Variants in KIF16B observed in about 807,000 individuals in gnomAD.
KIF16B encodes kinesin-like protein KIF16B.
KIF16B carries 98 observed loss-of-function variants against 156.3 expected under a neutral mutation model. That is an observed-to-expected ratio of 0.63 (90% CI 0.53 to 0.74). The LOEUF (loss-of-function observed/expected upper bound fraction) is 0.74. Among genes scored for constraint, KIF16B ranks in the 30% least tolerant of loss-of-function variants. The pLI, the probability that KIF16B is intolerant of heterozygous loss-of-function variation, is 0.00. For synonymous variants in KIF16B, 564 were observed against 583.7 expected (o/e 0.97, Z 0.49); for missense variants, 1,421 against 1,606.5 (o/e 0.88, Z 1.97).
chr20:16,354,296 C>G (rs1262631989), intron 23 of KIF16B, among the ~76,000 whole-genome samples: 2 of 151,892 alleles, frequency 1.3e-5, no homozygotes, highest in African/African-American at 2.4e-5. Flanking sequence ...ATCCGTGTAC[C>G]AACTAAAATC....
chr20:16,360,442 A>C (rs1386588012), intron 22 of KIF16B, among the ~76,000 whole-genome samples: 1 of 152,118 alleles, frequency 6.6e-6, no homozygotes, highest in African/African-American at 2.4e-5. Context: ...ATGTGGCAAA[A>C]AAGATTCTTA....
chr20:16,283,163 G>A (rs6043852), intron 25 of KIF16B, among the ~76,000 whole-genome samples: 8,059 of 152,272 alleles, frequency 0.053, 271 homozygotes, highest in African/African-American at 0.1. Flanking sequence ...TAGGCAAAGA[G>A]GCGAAATTAA....
intron 15 of KIF16B, among the ~76,000 whole-genome samples, chr20:16,419,824 A>G (rs985727511): frequency 3.3e-5 from 5 of 152,170 alleles, no homozygotes; most frequent in African/African-American, 9.6e-5. Context: ...TTCAATTACA[A>G]TGCATCTGAC....
intron 17 of KIF16B, among the ~76,000 whole-genome samples, chr20:16,384,743 T>C (rs2065187689): frequency 1.3e-5 from 2 of 152,120 alleles, no homozygotes; most frequent in East Asian, 1.9e-4. Flanking sequence ...TCCTAGGTAC[T>C]ACCAAATTCT....
intron 12 of KIF16B, among the ~76,000 whole-genome samples, chr20:16,441,279 G>A (rs960998855): frequency 8.5e-5 from 13 of 152,090 alleles, no homozygotes; most frequent in Admixed American, 3.3e-4. Context: ...TCTCACCCAC[G>A]GAAATACGTC....
intron 1 of KIF16B, among the ~76,000 whole-genome samples, chr20:16,532,023 G>A (rs1026562381): frequency 1.4e-4 from 21 of 147,372 alleles, no homozygotes; most frequent in Admixed American, 5.5e-4. Flanking sequence ...AGCCGAGATT[G>A]TGCCATTGCA....
chr20:16,512,751 C>T, intron 5 of KIF16B, 75 bp downstream of exon 5: 7 of 938,078 alleles, frequency 7.5e-6, no homozygotes, highest in Non-Finnish European at 1.2e-5. Context: ...TATCCATTTC[C>T]AGCACCTAAA....
intron 13 of KIF16B, among the ~76,000 whole-genome samples, chr20:16,429,495 G>A (rs1413410720): frequency 6.6e-6 from 1 of 152,124 alleles, no homozygotes; most frequent in Non-Finnish European, 1.5e-5. Flanking sequence ...TAATGCAGGT[G>A]AGAAGCACAA....
intron 12 of KIF16B, among the ~76,000 whole-genome samples, chr20:16,464,188 G>T (rs1292467526): frequency 6.6e-6 from 1 of 152,004 alleles, no homozygotes; most frequent in East Asian, 1.9e-4. Flanking sequence ...CACACTGGAG[G>T]CATTTTTAAA....
chr20:16,546,759 T>G (rs575042281), intron 1 of KIF16B, among the ~76,000 whole-genome samples: 1 of 152,266 alleles, frequency 6.6e-6, no homozygotes, highest in African/African-American at 2.4e-5. Context: ...ATTCTTTCAC[T>G]TATTTTTATT....
chr20:16,374,513 C>A, intron 19 of KIF16B, 104 bp from the exon 20 acceptor site: 1 of 1,096,114 alleles, frequency 9.1e-7, no homozygotes, highest in South Asian at 2.9e-5. Flanking sequence ...AAGATCTGTC[C>A]TCTGTGTGCA....
At chr20:16,329,450 T>C (rs1238786866) in intron 24 of KIF16B, among the ~76,000 whole-genome samples, 4 of 152,178 alleles carry the variant, frequency 2.6e-5, no homozygotes, top group Non-Finnish European at 4.4e-5. Context: ...CAAAAATACA[T>C]AGTTTTCATA....
chr20:16,478,626 C>T (rs1256775982), intron 12 of KIF16B, among the ~76,000 whole-genome samples: 1 of 152,152 alleles, frequency 6.6e-6, no homozygotes, highest in African/African-American at 2.4e-5. Flanking sequence ...CTGTATTTCC[C>T]CCCAGACTAT....
At chr20:16,398,187 C>T (rs1019318579) in intron 17 of KIF16B, among the ~76,000 whole-genome samples, 1 of 152,082 alleles carries the variant, frequency 6.6e-6, no homozygotes, top group African/African-American at 2.4e-5. Flanking sequence ...GAGGACTGGC[C>T]AAGGGAAGAA....
chr20:16,307,436 T>C (rs956078063), intron 25 of KIF16B, among the ~76,000 whole-genome samples: 1 of 152,168 alleles, frequency 6.6e-6, no homozygotes, highest in African/African-American at 2.4e-5. Context: ...AGATTAGGAA[T>C]TGAATTAGAC....
At chr20:16,444,743 A>G (rs1216773865) in intron 12 of KIF16B, among the ~76,000 whole-genome samples, 1 of 152,188 alleles carries the variant, frequency 6.6e-6, no homozygotes, top group African/African-American at 2.4e-5. Flanking sequence ...GGGCATTTAA[A>G]TTGCTCTCAG....
At chr20:16,485,054 T>C (rs2068079104) in intron 12 of KIF16B, among the ~76,000 whole-genome samples, 1 of 152,224 alleles carries the variant, frequency 6.6e-6, no homozygotes, top group Non-Finnish European at 1.5e-5. Flanking sequence ...GCAAATGAGA[T>C]GCAACTGAAA....
At chr20:16,402,660 G>C (rs2065684115) in intron 17 of KIF16B, among the ~76,000 whole-genome samples, 1 of 152,152 alleles carries the variant, frequency 6.6e-6, no homozygotes, top group Admixed American at 6.5e-5. Flanking sequence ...CAGAGGCACA[G>C]GCTAGTCCAC....
At chr20:16,486,152 G>T (rs186553409) in intron 12 of KIF16B, among the ~76,000 whole-genome samples, 1 of 152,260 alleles carries the variant, frequency 6.6e-6, no homozygotes, top group African/African-American at 2.4e-5. Flanking sequence ...GTGGGGAAAA[G>T]TCTTCTAGCA....
Sources: allele counts gnomAD v4.1 joint callset (sites outside exome capture counted in the v4.1 genomes callset), GRCh38; gene constraint gnomAD v4.1.1; transcripts MANE v1.5; gene names NCBI Gene and HGNC (gene_info 2026-07-23, HGNC 2026-07-21).